Variants in COL26A1 observed in about 807,000 individuals in gnomAD.
COL26A1 encodes collagen alpha-1(XXVI) chain.
In COL26A1, 41 loss-of-function variants were observed where a neutral mutation model predicts 59.3. The observed-to-expected ratio is 0.69, with a 90% CI of 0.54 to 0.90. COL26A1 has a LOEUF of 0.90. COL26A1 is among the 40% of genes least tolerant of loss of function. The pLI is 0.00. For synonymous variants in COL26A1, 266 were observed against 256.0 expected (o/e 1.04, Z -0.37); for missense variants, 612 against 602.3 (o/e 1.02, Z -0.17).
Position 101,469,495 on chromosome 7 carries a change from C to CT in COL26A1, c.385+21723dup, listed in dbSNP as rs36116265. Among the ~76,000 whole-genome samples, 347 of 145,166 alleles carry CT rather than the reference C, an allele frequency of 2.4e-3. 2 individuals carry two copies. The highest frequency in any genetic ancestry group is 3.4e-3 in the Non-Finnish European group (225 of 65,966). On this transcript the variant is annotated intron_variant, in intron 3 of 12. Coordinates refer to ENST00000313669, the MANE Select transcript of COL26A1 (RefSeq NM_001278563.3). Reference sequence around the variant, plus strand: ...ATTCAAGGGTTTACACGATTTCTCTCTTTTTTTTTTTTTTTGAGACAGAGT... The same window carrying CT: ...ATTCAAGGGTTTACACGATTTCTCTCTTTTTTTTTTTTTTTTGAGACAGAGT...
At chr7:101,495,060 G>C (rs1308884554) in intron 3 of COL26A1, among the ~76,000 whole-genome samples, 1 of 152,162 alleles carries the variant, frequency 6.6e-6, no homozygotes, top group African/African-American at 2.4e-5. Flanking sequence ...ATATTATTCT[G>C]GCCTGGAGAA....
intron 3 of COL26A1, among the ~76,000 whole-genome samples, chr7:101,496,975 C>T (rs761116314): frequency 5.9e-5 from 9 of 152,182 alleles, no homozygotes; most frequent in Non-Finnish European, 8.8e-5. Context: ...CAATGGCTCA[C>T]GCCTGTAATC....
chr7:101,447,564 C>T lies in COL26A1; in HGVS notation c.282-120C>T, dbSNP rs572382540. On this transcript the variant is annotated intron_variant, in intron 2 of 12. Coordinates refer to ENST00000313669, the MANE Select transcript of COL26A1 (RefSeq NM_001278563.3). The stretch of plus-strand genomic sequence containing the variant: ...ACACGGACCCCGGCAGTGGTTTCCA[C>T]GCCATGGGGGCCTCCCGGAGCCCTG... 5.3e-5 allele frequency: 35 copies of T among 661,014 alleles called. 1 individual carries two copies. The highest frequency in any genetic ancestry group is 3.6e-4 in the African/African-American group (20 of 55,706). The allele number at this position is 661,014 out of a possible 1,614,324, so 40.9% of individuals were successfully genotyped here. A position where few individuals can be genotyped will look rare whatever the true frequency, so the allele number is the denominator to read the frequency against.
chr7:101,449,807 G>A (rs1793286041), intron 3 of COL26A1, among the ~76,000 whole-genome samples: 1 of 152,038 alleles, frequency 6.6e-6, no homozygotes, highest in Admixed American at 6.6e-5. Context: ...TTATGCTCAT[G>A]GTCATGGTTT....
At chr7:101,374,798 G>A (rs1338692767) in intron 1 of COL26A1, among the ~76,000 whole-genome samples, 3 of 152,166 alleles carry the variant, frequency 2.0e-5, no homozygotes, top group Admixed American at 2.0e-4. Context: ...GCTCACGCCT[G>A]TAATCCCAAC....
At chr7:101,494,357 C>T (rs1794535843) in intron 3 of COL26A1, among the ~76,000 whole-genome samples, 1 of 152,162 alleles carries the variant, frequency 6.6e-6, no homozygotes, top group Non-Finnish European at 1.5e-5. Flanking sequence ...GAACTCCTGA[C>T]CTCAAGTGAT....
Position 101,387,772 on chromosome 7 carries a change from A to ATTTTTTTTTTTTTT in COL26A1, c.158+24583_158+24584insTTTTTTTTTTTTTT, listed in dbSNP as rs1374717696. ...TATATATTTATATATATATATATAT[A>ATTTTTTTTTTTTTT]TATATATTTTTTTTTAAGACAGAGT... On this transcript the variant is annotated intron_variant, in intron 1 of 12. Coordinates refer to ENST00000313669, the MANE Select transcript of COL26A1 (RefSeq NM_001278563.3). 5.4e-4 allele frequency among the ~76,000 whole-genome samples: 23 copies of ATTTTTTTTTTTTTT among 42,492 alleles called. 1 individual carries two copies. Among genetic ancestry groups the ATTTTTTTTTTTTTT allele is most frequent in the South Asian group, 1.1e-3 (1 of 938 alleles). The allele number at this position is 42,492 out of a possible 152,430, so 27.9% of individuals were successfully genotyped here.
chr7:101,394,070 G>A (rs1217037853), intron 1 of COL26A1, among the ~76,000 whole-genome samples: 3 of 152,038 alleles, frequency 2.0e-5, no homozygotes, highest in Non-Finnish European at 4.4e-5. Context: ...GAGCCACTGC[G>A]CCTGGCTGGG....
chr7:101,470,106 G>GT lies in COL26A1; in HGVS notation c.385+22334dup, dbSNP rs1414523604. Among the ~76,000 whole-genome samples, 400 of 143,688 alleles carry GT rather than the reference G, an allele frequency of 2.8e-3. 9 individuals are homozygous for GT. The highest frequency in any genetic ancestry group is 0.016 in the Admixed American group (223 of 14,090). The allele number at this position is 143,688 out of a possible 152,430, so 94.3% of individuals were successfully genotyped here. ...GGAGAAATGGATTGCCTTTTTTTTTGTTTTTTTTTTTTTTTCGAGACAGAG... is the reference window on the plus strand; with the variant it reads ...GGAGAAATGGATTGCCTTTTTTTTTGTTTTTTTTTTTTTTTTCGAGACAGAG... On this transcript the variant is annotated intron_variant, in intron 3 of 12. Transcript: ENST00000313669.
chr7:101,423,312 A>G (rs1181580896), intron 2 of COL26A1, among the ~76,000 whole-genome samples: 2 of 152,054 alleles, frequency 1.3e-5, no homozygotes, highest in Non-Finnish European at 2.9e-5. Flanking sequence ...TAATGCACCT[A>G]TAAGAAAAGC....
chr7:101,489,796 T>C (rs866260773), intron 3 of COL26A1, among the ~76,000 whole-genome samples: 289 of 2,224 alleles, frequency 0.13, 60 homozygotes, highest in Middle Eastern at 0.33. Context: ...CTTTCTTTCT[T>C]TCTTTCTTTC....
intron 3 of COL26A1, among the ~76,000 whole-genome samples, chr7:101,451,679 G>T (rs1363433432): frequency 6.7e-6 from 1 of 150,074 alleles, no homozygotes; most frequent in Non-Finnish European, 1.5e-5. Flanking sequence ...TGTGGTTATT[G>T]TCTCTACTGA....
intron 1 of COL26A1, among the ~76,000 whole-genome samples, chr7:101,366,499 TTTTTTTTTTTTTTTTTTTA>T (rs1239541409): frequency 0.14 from 4,830 of 35,602 alleles, 308 homozygotes; most frequent in East Asian, 0.28. Flanking sequence ...TTTTTTTTTT[TTTTTTTTTTTTTTTTTTTA>T]AAGACAGGGT....
At chr7:101,428,539 A>G (rs971700346) in intron 2 of COL26A1, among the ~76,000 whole-genome samples, 1 of 152,148 alleles carries the variant, frequency 6.6e-6, no homozygotes, top group Non-Finnish European at 1.5e-5. Flanking sequence ...ACAAGTATCA[A>G]AAACAAGGGT....
chr7:101,547,805 A>G (rs1020984687), intron 8 of COL26A1, among the ~76,000 whole-genome samples: 1 of 140,584 alleles, frequency 7.1e-6, no homozygotes, highest in Non-Finnish European at 1.5e-5. Flanking sequence ...TTGTCCATTC[A>G]TTCATTCGTT....
Position 101,432,095 on chromosome 7 carries a change from G to T in COL26A1, c.281+11996G>T, listed in dbSNP as rs180767769. 2.6e-5 allele frequency among the ~76,000 whole-genome samples: 4 copies of T among 152,052 alleles called. No homozygotes were observed. In the East Asian group the frequency reaches 7.7e-4, roughly 29 times the overall value. On this transcript the variant is annotated intron_variant, in intron 2 of 12. Coordinates refer to ENST00000313669, the MANE Select transcript of COL26A1 (RefSeq NM_001278563.3). Reference sequence around the variant, plus strand: ...CCTGCCTCAGCTTCCCGAGTAGCGGGGATTACAGATGCCCGCCACCATGCC... The same window carrying T: ...CCTGCCTCAGCTTCCCGAGTAGCGGTGATTACAGATGCCCGCCACCATGCC...
chr7:101,533,830 C>A (rs1795421037), intron 4 of COL26A1, among the ~76,000 whole-genome samples: 1 of 152,182 alleles, frequency 6.6e-6, no homozygotes, highest in Non-Finnish European at 1.5e-5. Flanking sequence ...CTCTCCTGCT[C>A]CTCACTGGGT....
Position 101,498,623 on chromosome 7 carries a change from T to C in COL26A1, c.386-34459T>C, listed in dbSNP as rs183937424. Among the ~76,000 whole-genome samples, 634 of 152,358 alleles carry C rather than the reference T, an allele frequency of 4.2e-3. 4 individuals carry two copies. The highest frequency in any genetic ancestry group is 6.8e-3 in the Middle Eastern group (2 of 294). The stretch of plus-strand genomic sequence containing the variant: ...GACCCTGCCGGCGACACCAAGGCTG[T>C]GGATGCATGTAGTGGAGTCTCCACT... On this transcript the variant is annotated intron_variant, in intron 3 of 12. Transcript: ENST00000313669.
intron 2 of COL26A1, among the ~76,000 whole-genome samples, chr7:101,424,363 C>G (rs568670141): frequency 6.6e-6 from 1 of 151,992 alleles, no homozygotes; most frequent in African/African-American, 2.4e-5. Flanking sequence ...TTTGGGGGGC[C>G]AAGGAGGGTG....
Sources: allele counts gnomAD v4.1 joint callset (sites outside exome capture counted in the v4.1 genomes callset), GRCh38; gene constraint gnomAD v4.1.1; transcripts MANE v1.5; gene names NCBI Gene and HGNC (gene_info 2026-07-23, HGNC 2026-07-21).